ABCC1: variants seen among roughly 807,000 people sequenced by gnomAD.
ABCC1 encodes the protein multidrug resistance-associated protein 1.
Under a neutral mutation model 172.9 loss-of-function variants are expected in ABCC1, and 83 were observed. The ratio of observed to expected loss-of-function variants is 0.48; its 90% CI spans 0.40 to 0.58. The LOEUF is 0.58. Ranked by LOEUF, ABCC1 falls within the 20% of genes least tolerant of loss-of-function variation. The pLI is 0.00. For missense variants in ABCC1, 1,817 were observed against 2,002.7 expected (o/e 0.91, Z 1.77); for synonymous variants, 937 against 825.2 (o/e 1.14, Z -2.32).
chr16:16,010,391 C>T (rs1268728843), intron 3 of ABCC1, among the ~76,000 whole-genome samples: 1 of 152,050 alleles, frequency 6.6e-6, no homozygotes. Flanking sequence ...TGCCACAGTC[C>T]CCACCATGCC....
chr16:15,976,189 C>T (rs987252207), intron 1 of ABCC1, among the ~76,000 whole-genome samples: 3 of 152,084 alleles, frequency 2.0e-5, no homozygotes, highest in African/African-American at 7.2e-5. Flanking sequence ...ATTGCTTGAA[C>T]CTGGGAGGCA....
intron 19 of ABCC1, chr16:16,098,737 G>T: frequency 1.4e-6 from 1 of 727,466 alleles, no homozygotes. Context: ...ACGCACAAAT[G>T]GAGCAGACCC....
At chr16:16,049,651 A>C (rs889014193) in intron 10 of ABCC1, among the ~76,000 whole-genome samples, 1 of 151,996 alleles carries the variant, frequency 6.6e-6, no homozygotes. Context: ...TAGTATAGGA[A>C]CTCATCTAAT....
intron 12 of ABCC1, among the ~76,000 whole-genome samples, chr16:16,061,864 C>G (rs2049932578): frequency 6.7e-6 from 1 of 150,256 alleles, no homozygotes; most frequent in Non-Finnish European, 1.5e-5. Context: ...ACCTCTGCCT[C>G]CCAGGCTCAA....
intron 5 of ABCC1, among the ~76,000 whole-genome samples, chr16:16,026,153 C>T (rs755100920): frequency 3.9e-5 from 6 of 152,002 alleles, no homozygotes; most frequent in Non-Finnish European, 7.4e-5. Flanking sequence ...GTTTCCAGGC[C>T]GGGTGCAGTG....
At chr16:16,080,074 A>G (rs2050749813) in intron 16 of ABCC1, among the ~76,000 whole-genome samples, 1 of 152,052 alleles carries the variant, frequency 6.6e-6, no homozygotes, top group Non-Finnish European at 1.5e-5. Flanking sequence ...CTGTCTCCCA[A>G]AGTGCTGGGA....
At chr16:15,957,796 G>T (rs1217738622) in intron 1 of ABCC1, among the ~76,000 whole-genome samples, 1 of 152,030 alleles carries the variant, frequency 6.6e-6, no homozygotes, top group African/African-American at 2.4e-5. Flanking sequence ...TTTCCAGTAT[G>T]TTGGCCAGCA....
intron 1 of ABCC1, 84 bp downstream of exon 1, chr16:15,949,883 G>A: frequency 9.0e-7 from 1 of 1,114,002 alleles, no homozygotes. Context: ...GCCGCCCGGG[G>A]CACCCCGCTC....
At chr16:16,102,504 C>T (rs1567405319) in intron 19 of ABCC1, 123 bp from the exon 20 acceptor site, 10 of 823,680 alleles carry the variant, frequency 1.2e-5, no homozygotes, top group Non-Finnish European at 2.0e-5. Flanking sequence ...CTCCTACTTT[C>T]TGATCATCCT....
intron 16 of ABCC1, among the ~76,000 whole-genome samples, chr16:16,082,136 C>T (rs947995188): frequency 2.0e-5 from 3 of 152,184 alleles, no homozygotes; most frequent in Non-Finnish European, 2.9e-5. Flanking sequence ...CAGGATTGAT[C>T]GATGTTCCTG....
At chr16:16,018,739 G>A (rs1042081314) in intron 5 of ABCC1, among the ~76,000 whole-genome samples, 9 of 152,022 alleles carry the variant, frequency 5.9e-5, no homozygotes, top group African/African-American at 2.2e-4. Context: ...GCATGTATAT[G>A]CGTGTATGTG....
At chr16:15,957,115 T>C (rs887865601) in intron 1 of ABCC1, among the ~76,000 whole-genome samples, 1 of 152,152 alleles carries the variant, frequency 6.6e-6, no homozygotes, top group Non-Finnish European at 1.5e-5. Flanking sequence ...GGTCTTGCTC[T>C]GTCACCCAGG....
At chr16:15,957,176 C>A (rs1011772708) in intron 1 of ABCC1, among the ~76,000 whole-genome samples, 14 of 151,754 alleles carry the variant, frequency 9.2e-5, no homozygotes, top group Admixed American at 5.3e-4. Context: ...ACCTCCTGAG[C>A]TCAAGCAATT....
At chr16:16,033,647 C>T (rs11647513) in intron 6 of ABCC1, among the ~76,000 whole-genome samples, 57,769 of 151,468 alleles carry the variant, frequency 0.38, 12,649 homozygotes, top group Non-Finnish European at 0.49. Flanking sequence ...TTCTTCTGGT[C>T]GTCTTTCTTT....
At chr16:16,025,419 C>T (rs897588921) in intron 5 of ABCC1, among the ~76,000 whole-genome samples, 11 of 152,182 alleles carry the variant, frequency 7.2e-5, no homozygotes, top group Non-Finnish European at 1.6e-4. Context: ...CGAGCATCTG[C>T]GGTTCCCAAC....
Position 16,141,099 on chromosome 16 carries a change from C to G in ABCC1, c.4488-74C>G, listed in dbSNP as rs1041260662. 4 of 1,346,626 alleles carry G rather than the reference C, an allele frequency of 3.0e-6. No individual in the cohort carries two copies. The African/African-American group carries it at 5.7e-5, about 19-fold the overall frequency. 83.4% of individuals were successfully genotyped at this position (1,346,626 alleles called of 1,614,324 possible). On this transcript the variant is annotated intron_variant, in intron 30 of 30. Transcript: ENST00000399410. ...GCCTGACCCGAAGCAGTGACTTGCC[C>G]AGGTCAGTTGTCCCAGGGGCACGAG...
rs587783372 is a variant in ABCC1, at chr16:16,044,495, G to T, written c.855G>T (p.Pro285=). 3 of 1,614,082 alleles carry T rather than the reference G, an allele frequency of 1.9e-6. No individual in the cohort carries two copies. Among genetic ancestry groups the T allele is most frequent in the Non-Finnish European group, 2.5e-6 (3 of 1,180,038 alleles). The part of the protein sequence containing the change: ...VVYSSKDPAQ[P]KESSKVDANE... ...ACTCCTCCAAGGATCCTGCCCAGCC[G>T]AAAGAGAGTTCCAAGGTGGATGCGA... is the stretch of plus-strand genomic sequence containing the variant. Residue 285 remains proline (P), a synonymous_variant, in exon 8 of 31, where the codon CCG becomes CCT. Transcript: ENST00000399410.
Position 16,086,827 on chromosome 16 carries a change from G to A in ABCC1, c.2296G>A (p.Val766Met), listed in dbSNP as rs1296672475. ...GDRTEIGEKG[V>M]NLSGGQKQRV... ...TCCTGTGTGTGTCTCTCCCCAGGGC[G>A]TGAACCTGTCTGGGGGCCAGAAGCA... The change falls in exon 18 of 31, where the codon GTG (valine) becomes ATG (methionine). Residue 766 changes from valine to methionine, a missense_variant. Physicochemically the swap from Val to Met is conservative, Grantham distance 21 (BLOSUM62 1). This residue lies in a region of ABCC1 where 1,412 missense variants were observed against 1,600.3 expected (regional missense o/e 0.88). Transcript: ENST00000399410. 1.9e-6 allele frequency: 3 copies of A among 1,613,548 alleles called. No homozygotes were observed. The highest frequency in any genetic ancestry group is 2.2e-5 in the East Asian group (1 of 44,896).
intron 23 of ABCC1, among the ~76,000 whole-genome samples, chr16:16,115,964 G>A (rs1481862134): frequency 8.6e-5 from 13 of 151,006 alleles, no homozygotes; most frequent in Non-Finnish European, 1.5e-4. Flanking sequence ...GTGCAGTGGC[G>A]CGATCTCGGC....
Sources: allele counts gnomAD v4.1 joint callset (sites outside exome capture counted in the v4.1 genomes callset), GRCh38; gene constraint gnomAD v4.1.1; regional missense constraint gnomAD v4.1.1; transcripts MANE v1.5; gene names NCBI Gene and HGNC (gene_info 2026-07-23, HGNC 2026-07-21).